RMDN2: variants seen among roughly 807,000 people sequenced by gnomAD.
RMDN2 encodes regulator of microtubule dynamics protein 2.
In RMDN2, 61 loss-of-function variants were observed where a neutral mutation model predicts 52.8. The observed-to-expected ratio is 1.16, with a 90% confidence interval of 0.94 to 1.43. The LOEUF is 1.43. RMDN2 is among the 40% of genes most tolerant of loss of function. The probability of loss-of-function intolerance (pLI) is 0.00; values close to 1 mark genes in which losing one functional copy is unlikely to be tolerated. For missense variants in RMDN2, 592 were observed against 475.3 expected (o/e 1.25, Z -2.28); for synonymous variants, 180 against 153.1 (o/e 1.18, Z -1.30).
intron 2 of RMDN2, among the ~76,000 whole-genome samples, chr2:37,944,727 G>A (rs1668080411): frequency 1.3e-5 from 2 of 152,182 alleles, no homozygotes. Context: ...CAGAAGAGTA[G>A]ACACTTATTT....
intron 10 of RMDN2, chr2:38,066,921 G>C: frequency 6.3e-7 from 1 of 1,577,768 alleles, no homozygotes; most frequent in South Asian, 1.1e-5. Context: ...AGGTTCCCAC[G>C]CCAAAGTTTC....
intron 2 of RMDN2, among the ~76,000 whole-genome samples, chr2:37,961,416 T>C (rs965944641): frequency 6.6e-6 from 1 of 152,016 alleles, no homozygotes; most frequent in African/African-American, 2.4e-5. Context: ...TAATCTTGTC[T>C]TTACAATTTA....
chr2:37,927,883 A>G (rs1666414647), intron 1 of RMDN2, among the ~76,000 whole-genome samples: 1 of 152,216 alleles, frequency 6.6e-6, no homozygotes, highest in African/African-American at 2.4e-5. Context: ...AATTGATTGG[A>G]ATCTGTTGCT....
At chr2:37,973,421 T>C (rs1357629032) in intron 2 of RMDN2, among the ~76,000 whole-genome samples, 1 of 152,212 alleles carries the variant, frequency 6.6e-6, no homozygotes, top group East Asian at 1.9e-4. Context: ...ATTCAGTGAA[T>C]AGTGCTGTTC....
chr2:37,962,666 C>T (rs1348245141), intron 2 of RMDN2, among the ~76,000 whole-genome samples: 4 of 152,166 alleles, frequency 2.6e-5, no homozygotes, highest in Non-Finnish European at 5.9e-5. Flanking sequence ...ACACCTGACT[C>T]CCTGGCTTTT....
chr2:37,996,150 T>C (rs1376449666), intron 7 of RMDN2, among the ~76,000 whole-genome samples: 1 of 152,172 alleles, frequency 6.6e-6, no homozygotes, highest in Non-Finnish European at 1.5e-5. Flanking sequence ...GATGAAATCT[T>C]AGAATCATAC....
At chr2:37,999,476 C>T (rs1558531841) in intron 8 of RMDN2, among the ~76,000 whole-genome samples, 2 of 152,132 alleles carry the variant, frequency 1.3e-5, no homozygotes, top group Admixed American at 6.5e-5. Context: ...CGCATTAGGT[C>T]ATTACTTAGA....
intron 2 of RMDN2, among the ~76,000 whole-genome samples, chr2:37,973,505 C>T (rs184798408): frequency 1.3e-5 from 2 of 152,232 alleles, no homozygotes. Flanking sequence ...TACTGACAAA[C>T]AGCACATGTA....
At chr2:38,010,793 C>G (rs529254264) in intron 10 of RMDN2, among the ~76,000 whole-genome samples, 1 of 152,312 alleles carries the variant, frequency 6.6e-6, no homozygotes, top group East Asian at 1.9e-4. Flanking sequence ...CACCCATCTT[C>G]TGCATCACTC....
At chr2:38,010,219 C>A (rs572717664) in intron 10 of RMDN2, among the ~76,000 whole-genome samples, 42 of 152,262 alleles carry the variant, frequency 2.8e-4, no homozygotes, top group African/African-American at 1.0e-3. Context: ...GCTGGGAGAA[C>A]CACTACTCTC....
At chr2:37,971,985 T>C (rs754888083) in intron 2 of RMDN2, among the ~76,000 whole-genome samples, 2 of 152,220 alleles carry the variant, frequency 1.3e-5, no homozygotes, top group African/African-American at 4.8e-5. Flanking sequence ...ATGAACGTGA[T>C]ATATTTCTCC....
chr2:38,043,151 G>A (rs1036311140), intron 10 of RMDN2, among the ~76,000 whole-genome samples: 15 of 152,034 alleles, frequency 9.9e-5, no homozygotes, highest in African/African-American at 3.1e-4. Context: ...AACTGTTTTC[G>A]CCTCACATAT....
At chr2:37,926,304 TAAAAC>T (rs1396950808) in intron 1 of RMDN2, among the ~76,000 whole-genome samples, 1 of 152,184 alleles carries the variant, frequency 6.6e-6, no homozygotes, top group African/African-American at 2.4e-5. Flanking sequence ...TAATTTTAAA[TAAAAC>T]TAGAACATGG....
intron 10 of RMDN2, among the ~76,000 whole-genome samples, chr2:38,011,886 G>C (rs1471926352): frequency 6.6e-6 from 1 of 152,266 alleles, no homozygotes; most frequent in East Asian, 1.9e-4. Context: ...GATTGTACCA[G>C]CCTCCCAGTC....
At chr2:37,921,747 GT>G (rs1163671559), upstream of RMDN2, among the ~76,000 whole-genome samples, 10 of 152,204 alleles carry the variant, frequency 6.6e-5, no homozygotes, top group African/African-American at 2.4e-4. Context: ...ACAAAGTTAA[GT>G]TTGATATTTG....
intron 10 of RMDN2, among the ~76,000 whole-genome samples, chr2:38,032,600 G>C (rs1680287800): frequency 1.3e-5 from 2 of 152,186 alleles, no homozygotes; most frequent in Non-Finnish European, 2.9e-5. Flanking sequence ...AGCAGTTTGG[G>C]AGGCCGAGGC....
intron 10 of RMDN2, among the ~76,000 whole-genome samples, chr2:38,038,359 C>T (rs1680736310): frequency 6.6e-6 from 1 of 152,106 alleles, no homozygotes. Flanking sequence ...TTGGGATTCC[C>T]CAACAATAGA....
intron 4 of RMDN2, among the ~76,000 whole-genome samples, chr2:37,975,923 A>G (rs1672404151): frequency 6.6e-6 from 1 of 152,226 alleles, no homozygotes; most frequent in South Asian, 2.1e-4. Context: ...TTTTAACTTT[A>G]TAAAACTTAG....
At chr2:37,975,377 G>T (rs1028513168) in intron 4 of RMDN2, 63 bp downstream of exon 4, 1 of 965,842 alleles carries the variant, frequency 1.0e-6, no homozygotes, top group Admixed American at 1.8e-5. Context: ...TCATGCAGCC[G>T]TAAAAAAGGA....
Sources: allele counts gnomAD v4.1 joint callset (sites outside exome capture counted in the v4.1 genomes callset), GRCh38; gene constraint gnomAD v4.1.1; transcripts MANE v1.5; gene names NCBI Gene and HGNC (gene_info 2026-07-23, HGNC 2026-07-21).